CLCA2: variants seen among roughly 807,000 people sequenced by gnomAD.
CLCA2 encodes calcium-activated chloride channel regulator 2.
CLCA2 carries 85 observed loss-of-function variants against 82.9 expected under a neutral mutation model. The ratio of observed to expected loss-of-function variants is 1.03; its 90% CI spans 0.86 to 1.23. The LOEUF (loss-of-function observed/expected upper bound fraction) is 1.23. Among genes scored for constraint, CLCA2 ranks in the 50% most tolerant of loss-of-function variants. The probability of loss-of-function intolerance (pLI) is 0.00; values close to 1 mark genes in which losing one functional copy is unlikely to be tolerated. For synonymous variants in CLCA2, 421 were observed against 391.7 expected (o/e 1.07, Z -0.88); for missense variants, 1,089 against 1,124.8 (o/e 0.97, Z 0.45).
At chr1:86,424,876 CA>C (rs1403833870) in intron 1 of CLCA2, among the ~76,000 whole-genome samples, 1 of 151,902 alleles carries the variant, frequency 6.6e-6, no homozygotes, top group Non-Finnish European at 1.5e-5. Flanking sequence ...CACGGTGGGC[CA>C]AAAAGCAAAA....
intron 9 of CLCA2, among the ~76,000 whole-genome samples, chr1:86,443,119 T>A (rs1662772149): frequency 6.6e-6 from 1 of 151,986 alleles, no homozygotes; most frequent in South Asian, 2.1e-4. Context: ...CTCCACCTCC[T>A]TGGTTCAAGC....
At chr1:86,455,003 C>T (rs559544116) in intron 13 of CLCA2, 82 bp from the exon 14 acceptor site, 4 of 767,892 alleles carry the variant, frequency 5.2e-6, no homozygotes, top group East Asian at 5.7e-5. Flanking sequence ...CTTTTTGTTG[C>T]TGTTCTCATT....
At chr1:86,432,737 C>T (rs1662526081) in intron 5 of CLCA2, among the ~76,000 whole-genome samples, 1 of 152,078 alleles carries the variant, frequency 6.6e-6, no homozygotes, top group Admixed American at 6.6e-5. Context: ...TATTTGCTTT[C>T]CTGGGAGGTT....
At chr1:86,444,265 T>C (rs1307725382) in intron 10 of CLCA2, among the ~76,000 whole-genome samples, 6 of 152,238 alleles carry the variant, frequency 3.9e-5, no homozygotes, top group Non-Finnish European at 8.8e-5. Context: ...TTACAATTAA[T>C]GTTTTTCTAG....
At chr1:86,446,486 C>T (rs1210433788) in intron 10 of CLCA2, among the ~76,000 whole-genome samples, 1 of 152,194 alleles carries the variant, frequency 6.6e-6, no homozygotes, top group Non-Finnish European at 1.5e-5. Flanking sequence ...ACATTTATTA[C>T]ACTCAGAGAA....
intron 3 of CLCA2, among the ~76,000 whole-genome samples, chr1:86,428,936 A>C (rs1051161014): frequency 6.6e-6 from 1 of 152,220 alleles, no homozygotes; most frequent in Non-Finnish European, 1.5e-5. Flanking sequence ...CAGCAGAAAA[A>C]TTAAAGGCAT....
intron 6 of CLCA2, among the ~76,000 whole-genome samples, chr1:86,437,440 G>A (rs1662636521): frequency 6.6e-6 from 1 of 152,134 alleles, no homozygotes; most frequent in South Asian, 2.1e-4. Flanking sequence ...GGTCAAGGAA[G>A]GTTTCACTGA....
chr1:86,454,085 A>G (rs975558777), intron 13 of CLCA2, among the ~76,000 whole-genome samples: 3 of 152,126 alleles, frequency 2.0e-5, no homozygotes, highest in Non-Finnish European at 4.4e-5. Flanking sequence ...GGGCTTTCTT[A>G]TTCTCGCTTG....
intron 6 of CLCA2, 139 bp from the exon 7 acceptor site, chr1:86,438,737 G>A (rs1662662231): frequency 2.9e-6 from 2 of 680,056 alleles, no homozygotes; most frequent in Non-Finnish European, 2.5e-6. Context: ...CTAATATTAT[G>A]TTACTCTTTA....
At chr1:86,442,850 TC>T (rs1385321077) in intron 9 of CLCA2, among the ~76,000 whole-genome samples, 1 of 152,158 alleles carries the variant, frequency 6.6e-6, no homozygotes, top group Non-Finnish European at 1.5e-5. Flanking sequence ...GCAAATTACT[TC>T]TCTAAGCCTA....
Position 86,450,622 on chromosome 1 carries a change from A to C in CLCA2, c.2044A>C (p.Asn682His). 1 of 1,613,142 alleles carries C rather than the reference A, an allele frequency of 6.2e-7. No individual in the cohort carries two copies. The highest frequency in any genetic ancestry group is 8.5e-7 in the Non-Finnish European group (1 of 1,179,462). The part of the protein sequence containing the change: ...YSRYFFSFAA[N>H]GRYSLKVHVN... ...GAGGTATTTTTTCTCCTTTGCTGCA[A>C]ATGGTAGATATAGCTTGAAAGTGCA... Residue 682 changes from asparagine (N) to histidine (H), a missense_variant, in exon 12 of 14, where the codon AAT (asparagine) becomes CAT (histidine). By Grantham distance (68) the Asn-to-His change is moderately conservative (BLOSUM62 1). Coordinates refer to ENST00000370565, the MANE Select transcript of CLCA2 (RefSeq NM_006536.7).
Position 86,443,876 on chromosome 1 carries a change from T to C in CLCA2, c.1578T>C (p.Phe526=). 1 of 1,614,026 alleles carries C rather than the reference T, an allele frequency of 6.2e-7. No individual in the cohort carries two copies. The highest frequency in any genetic ancestry group is 8.5e-7 in the Non-Finnish European group (1 of 1,179,902). The change falls in exon 10 of 14, where the codon TTT becomes TTC. Residue 526 remains phenylalanine, a synonymous_variant. Transcript: ENST00000370565. ...ATACTGTGGGCAACGACACTATGTT[T>C]CTAGTTACGTGGCAGGCCAGTGGTC... The part of the protein sequence containing the change: ...VDNTVGNDTM[F]LVTWQASGPP...
At chr1:86,424,882 G>T (rs1177962606) in intron 1 of CLCA2, among the ~76,000 whole-genome samples, 1 of 152,106 alleles carries the variant, frequency 6.6e-6, no homozygotes, top group Non-Finnish European at 1.5e-5. Flanking sequence ...GGGCCAAAAA[G>T]CAAAATTATT....
At chr1:86,431,565 G>A (rs1351992440) in intron 4 of CLCA2, among the ~76,000 whole-genome samples, 3 of 152,158 alleles carry the variant, frequency 2.0e-5, no homozygotes, top group African/African-American at 7.2e-5. Context: ...GCTATTGACT[G>A]ATTCTTCTCC....
intron 5 of CLCA2, 24 bp from the exon 6 acceptor site, chr1:86,434,492 TTA>T (rs761777372): frequency 3.6e-5 from 57 of 1,590,914 alleles, no homozygotes; most frequent in Non-Finnish European, 4.8e-5. Context: ...GTGCCTCTCT[TTA>T]TTAAAGACTG....
chr1:86,424,195 A>G lies in CLCA2; in HGVS notation c.-53A>G. ...CATCTGCATCCATATTGAAAACCTG[A>G]CACAATGTATGCAGCAGGCTCAGTG... is the stretch of plus-strand genomic sequence containing the variant. On this transcript the variant is annotated 5_prime_UTR_variant, in exon 1 of 14. Coordinates refer to ENST00000370565, the MANE Select transcript of CLCA2 (RefSeq NM_006536.7). 2.0e-6 allele frequency: 3 copies of G among 1,516,154 alleles called. No individual in the cohort carries two copies. The highest frequency in any genetic ancestry group is 2.7e-6 in the Non-Finnish European group (3 of 1,122,102). The allele number at this position is 1,516,154 out of a possible 1,614,324, so 93.9% of individuals were successfully genotyped here.
intron 3 of CLCA2, among the ~76,000 whole-genome samples, chr1:86,428,944 C>T (rs1346318953): frequency 6.6e-6 from 1 of 152,112 alleles, no homozygotes; most frequent in African/African-American, 2.4e-5. Flanking sequence ...AAATTAAAGG[C>T]ATATAGGAGA....
At chr1:86,437,606 G>A (rs980178936) in intron 6 of CLCA2, among the ~76,000 whole-genome samples, 1 of 152,188 alleles carries the variant, frequency 6.6e-6, no homozygotes, top group Admixed American at 6.5e-5. Context: ...CAAGGGAAGG[G>A]CATTCATTTG....
chr1:86,428,446 G>C lies in CLCA2; in HGVS notation c.353G>C (p.Gly118Ala), dbSNP rs201976159. The C allele has an allele frequency of 2.5e-6, 4 of 1,609,944 alleles. No homozygotes were observed. The highest frequency in any genetic ancestry group is 2.5e-6 in the Non-Finnish European group (3 of 1,178,066). ...KANVIVTDWYGAHGDDPYTLQ... is the reference protein window; with the variant it reads ...KANVIVTDWYAAHGDDPYTLQ... ...AATGTCATAGTGACTGACTGGTATG[G>C]GGCACATGGAGATGATCCATACACC... The change falls in exon 3 of 14, where the codon GGG (glycine) becomes GCG (alanine). Residue 118 changes from glycine (G) to alanine (A), a missense_variant. Physicochemically the swap from Gly to Ala is moderately conservative, Grantham distance 60. Transcript: ENST00000370565.
Sources: allele counts gnomAD v4.1 joint callset (sites outside exome capture counted in the v4.1 genomes callset), GRCh38; gene constraint gnomAD v4.1.1; transcripts MANE v1.5; gene names NCBI Gene and HGNC (gene_info 2026-07-23, HGNC 2026-07-21).